Variants in MCPH1 observed in about 807,000 individuals in gnomAD.
MCPH1 encodes microcephalin.
In MCPH1, 104 loss-of-function variants were observed where a neutral mutation model predicts 84.5. The ratio of observed to expected loss-of-function variants is 1.23; its 90% CI spans 1.05 to 1.45. The LOEUF is 1.45. Ranked by LOEUF, MCPH1 falls within the 40% of genes most tolerant of loss-of-function variation. The pLI, the probability that MCPH1 is intolerant of heterozygous loss-of-function variation, is 0.00. For synonymous variants in MCPH1, 514 were observed against 366.8 expected (o/e 1.40, Z -4.58); for missense variants, 1,498 against 1,005.7 (o/e 1.49, Z -6.62).
chr8:6,470,710 C>T (rs922638948), intron 9 of MCPH1, among the ~76,000 whole-genome samples: 3 of 152,246 alleles, frequency 2.0e-5, no homozygotes, highest in Admixed American at 6.5e-5. Flanking sequence ...TTCTGGGCCT[C>T]CAAACGATGC....
At chr8:6,449,621 G>A (rs1370450957) in intron 8 of MCPH1, among the ~76,000 whole-genome samples, 4 of 151,044 alleles carry the variant, frequency 2.6e-5, no homozygotes, top group Non-Finnish European at 5.9e-5. Flanking sequence ...CAACGAGAGT[G>A]AAACTCCGTC....
intron 9 of MCPH1, among the ~76,000 whole-genome samples, chr8:6,470,100 T>G (rs1222641975): frequency 2.6e-5 from 4 of 152,170 alleles, no homozygotes; most frequent in Admixed American, 1.3e-4. Flanking sequence ...GCAGTAGGCA[T>G]TCTGTAGTAG....
intron 13 of MCPH1, among the ~76,000 whole-genome samples, chr8:6,642,476 A>C (rs1485842189): frequency 6.6e-6 from 1 of 152,236 alleles, no homozygotes; most frequent in Non-Finnish European, 1.5e-5. Flanking sequence ...TTGAGCTATG[A>C]AGAACAGAGT....
chr8:6,498,005 G>T (rs140487819), intron 11 of MCPH1, among the ~76,000 whole-genome samples: 2 of 152,274 alleles, frequency 1.3e-5, no homozygotes, highest in African/African-American at 4.8e-5. Flanking sequence ...GTGTCATCCA[G>T]TGCAATAAGG....
At chr8:6,451,157 C>G (rs962240501) in intron 8 of MCPH1, among the ~76,000 whole-genome samples, 1 of 152,098 alleles carries the variant, frequency 6.6e-6, no homozygotes, top group Admixed American at 6.5e-5. Flanking sequence ...TATTAAGAAC[C>G]CCCTTTCCCA....
At chr8:6,615,317 A>G (rs1222916426) in intron 12 of MCPH1, among the ~76,000 whole-genome samples, 1 of 152,172 alleles carries the variant, frequency 6.6e-6, no homozygotes. Flanking sequence ...CTGCCCATGA[A>G]ATGTGTGTAA....
chr8:6,506,425 T>G (rs1362012951), intron 12 of MCPH1, among the ~76,000 whole-genome samples: 1 of 152,168 alleles, frequency 6.6e-6, no homozygotes, highest in East Asian at 1.9e-4. Flanking sequence ...AAATCTTGAT[T>G]TGCCTAAGTA....
intron 12 of MCPH1, among the ~76,000 whole-genome samples, chr8:6,588,907 A>G (rs1405399528): frequency 1.3e-5 from 2 of 152,250 alleles, no homozygotes; most frequent in Admixed American, 6.5e-5. Flanking sequence ...TCCATCCTTT[A>G]TAGTCTACCT....
chr8:6,525,972 A>G (rs867317315), intron 12 of MCPH1, among the ~76,000 whole-genome samples: 1 of 152,166 alleles, frequency 6.6e-6, no homozygotes, highest in Non-Finnish European at 1.5e-5. Context: ...GGGAAACAGT[A>G]TTCAGTATTA....
Position 6,455,214 on chromosome 8 carries a change from C to G in MCPH1, c.1897C>G (p.Pro633Ala), listed in dbSNP as rs1563233839. The G allele has an allele frequency of 6.2e-7, 1 of 1,613,844 alleles. No homozygotes were observed. The highest frequency in any genetic ancestry group is 8.5e-7 in the Non-Finnish European group (1 of 1,179,830). Residue 633 changes from proline to alanine, a missense_variant, in exon 9 of 14, where the codon CCT becomes GCT. Coordinates refer to ENST00000344683, the MANE Select transcript of MCPH1 (RefSeq NM_024596.5). The stretch of plus-strand genomic sequence containing the variant: ...TGACGGCTTTAAGGACCTCATCAAA[C>G]CTCATGAGGAATTGAAGAAAAGTGG... ...SCDGFKDLIK[P>A]HEELKKSGRG...
At chr8:6,633,612 A>G (rs894855897) in intron 13 of MCPH1, among the ~76,000 whole-genome samples, 1 of 151,794 alleles carries the variant, frequency 6.6e-6, no homozygotes, top group African/African-American at 2.4e-5. Context: ...TCCCCAAGGG[A>G]AAAAAAAGAC....
At chr8:6,498,613 T>G (rs1811564825) in intron 11 of MCPH1, among the ~76,000 whole-genome samples, 1 of 152,208 alleles carries the variant, frequency 6.6e-6, no homozygotes, top group Non-Finnish European at 1.5e-5. Context: ...ATATTTGAAC[T>G]TGAATGCCGC....
intron 12 of MCPH1, among the ~76,000 whole-genome samples, chr8:6,576,336 G>C (rs1443157894): frequency 6.6e-6 from 1 of 152,054 alleles, no homozygotes; most frequent in Non-Finnish European, 1.5e-5. Flanking sequence ...CTGACCTCAG[G>C]GCCTCCAGCA....
At chr8:6,574,038 C>A (rs1156323607) in intron 12 of MCPH1, among the ~76,000 whole-genome samples, 1 of 152,178 alleles carries the variant, frequency 6.6e-6, no homozygotes, top group Non-Finnish European at 1.5e-5. Flanking sequence ...ATGGGCAACT[C>A]ACAGACAAAA....
At position 6,647,866 on chromosome 8, in the gene MCPH1, A is replaced by G. The variant is rs145054084; in HGVS notation, c.*4817A>G. On this transcript the variant is annotated 3_prime_UTR_variant, in exon 14 of 14. Transcript: ENST00000344683. ...ACATTTACTAAAATCAATGAACAGA[A>G]CACTTTTAATGGGTAAGCCTTAAGG... is the stretch of plus-strand genomic sequence containing the variant. The G allele has an allele frequency of 5.6e-4, 86 of 152,354 alleles. No individual in the cohort carries two copies. Among genetic ancestry groups the G allele is most frequent in the African/African-American group, 2.0e-3 (84 of 41,580 alleles). The allele number at this position is 152,354 out of a possible 1,614,324, so 9.4% of individuals were successfully genotyped here.
At chr8:6,640,864 T>C (rs1203136283) in intron 13 of MCPH1, among the ~76,000 whole-genome samples, 1 of 152,208 alleles carries the variant, frequency 6.6e-6, no homozygotes, top group East Asian at 1.9e-4. Flanking sequence ...GAGGGGACCA[T>C]GTTGTTTTTA....
rs1264915521 is a variant in MCPH1, at chr8:6,439,362, TC to T, written c.580+267del. The stretch of plus-strand genomic sequence containing the variant: ...TCTATTATCTTTGGAATTTTTTCTT[TC>T]TTTTTTTTTAAAAAAAAATGAATCA... On this transcript the variant is annotated intron_variant, in intron 6 of 13. Transcript: ENST00000344683. 5.3e-5 allele frequency among the ~76,000 whole-genome samples: 4 copies of T among 75,928 alleles called. No individual in the cohort carries two copies. In the East Asian group the frequency reaches 2.0e-3, roughly 39 times the overall value. 49.8% of individuals were successfully genotyped at this position (75,928 alleles called of 152,430 possible). A position where few individuals can be genotyped will look rare whatever the true frequency, so the allele number is the denominator to read the frequency against.
chr8:6,623,924 CGATT>C (rs1339569088), intron 13 of MCPH1, among the ~76,000 whole-genome samples: 1 of 152,188 alleles, frequency 6.6e-6, no homozygotes, highest in Non-Finnish European at 1.5e-5. Flanking sequence ...ACTGTGCACA[CGATT>C]GATATCCACA....
chr8:6,638,271 C>G (rs1036343957), intron 13 of MCPH1, among the ~76,000 whole-genome samples: 1 of 152,192 alleles, frequency 6.6e-6, no homozygotes, highest in East Asian at 1.9e-4. Context: ...CAATTCCTTA[C>G]CAGAGTGGAG....
Sources: allele counts gnomAD v4.1 joint callset (sites outside exome capture counted in the v4.1 genomes callset), GRCh38; gene constraint gnomAD v4.1.1; transcripts MANE v1.5; gene names NCBI Gene and HGNC (gene_info 2026-07-23, HGNC 2026-07-21).